Variants in CDON observed in about 807,000 individuals in gnomAD.
The protein encoded by CDON is cell adhesion associated, oncogene regulated.
CDON carries 73 observed loss-of-function variants against 120.9 expected under a neutral mutation model. That is an observed-to-expected ratio of 0.60 (90% CI 0.50 to 0.73). CDON has a LOEUF of 0.73. Among genes scored for constraint, CDON ranks in the 30% least tolerant of loss-of-function variants. The probability of loss-of-function intolerance (pLI) is 0.00; values close to 1 mark genes in which losing one functional copy is unlikely to be tolerated. For missense variants in CDON, 1,470 were observed against 1,587.3 expected (o/e 0.93, Z 1.26); for synonymous variants, 566 against 573.5 (o/e 0.99, Z 0.19).
chr11:125,974,178 G>A (rs889799449), intron 18 of CDON, among the ~76,000 whole-genome samples: 2 of 152,050 alleles, frequency 1.3e-5, no homozygotes, highest in Non-Finnish European at 2.9e-5. Context: ...TTACAGGCGT[G>A]AGCCACTGCA....
chr11:126,018,483 G>C lies in CDON; in HGVS notation c.497-10C>G. ...AGGATTAAGTAATTCTCTGAGGAAG[G>C]AAGGGAGTGCAGTTAGGCCTCTCCC... On this transcript the variant is annotated splice_polypyrimidine_tract_variant and intron_variant, in intron 4 of 19. Transcript: ENST00000531738. The C allele has an allele frequency of 1.2e-6, 2 of 1,613,164 alleles. No homozygotes were observed. The highest frequency in any genetic ancestry group is 1.7e-6 in the Non-Finnish European group (2 of 1,179,186).
At chr11:126,049,973 G>A (rs1402700182) in intron 1 of CDON, among the ~76,000 whole-genome samples, 2 of 152,140 alleles carry the variant, frequency 1.3e-5, no homozygotes, top group Admixed American at 6.5e-5. Flanking sequence ...TACCGTTAAA[G>A]AATTTCTAAG....
At chr11:125,982,546 C>G (rs1401218141) in intron 16 of CDON, among the ~76,000 whole-genome samples, 1 of 152,058 alleles carries the variant, frequency 6.6e-6, no homozygotes, top group Non-Finnish European at 1.5e-5. Context: ...TGTGGTCTCA[C>G]TAAGCTACAC....
At chr11:125,972,905 G>GC in intron 18 of CDON, among the ~76,000 whole-genome samples, 1 of 32,060 alleles carries the variant, frequency 3.1e-5, no homozygotes, top group Non-Finnish European at 6.9e-5. Flanking sequence ...GTATACTGTG[G>GC]GGCAGCTCCT....
At position 125,995,052 on chromosome 11, in the gene CDON, C is replaced by A; in HGVS notation, c.2363G>T (p.Gly788Val). ...LSVEVRSLEPGSTYKFRVIAI... is the reference protein window; with the variant it reads ...LSVEVRSLEPVSTYKFRVIAI... ...AATGACCCTAAATTTGTATGTTGAA[C>A]CTTTGAGGGAAAACAAAAACAAACA... Residue 788 changes from glycine to valine, a missense_variant and splice_region_variant, in exon 13 of 20, where the codon GGT becomes GTT. Transcript: ENST00000531738. 6.2e-7 allele frequency: 1 copy of A among 1,612,844 alleles called. No individual in the cohort carries two copies. The highest frequency in any genetic ancestry group is 8.5e-7 in the Non-Finnish European group (1 of 1,179,448).
intron 15 of CDON, among the ~76,000 whole-genome samples, chr11:125,988,210 T>G (rs898870046): frequency 6.6e-6 from 1 of 152,006 alleles, no homozygotes; most frequent in South Asian, 2.1e-4. Flanking sequence ...TGGGAAGATC[T>G]AGTAGAGGAC....
intron 9 of CDON, among the ~76,000 whole-genome samples, chr11:126,004,808 G>A (rs1947064575): frequency 1.3e-5 from 2 of 151,944 alleles, no homozygotes; most frequent in South Asian, 4.2e-4. Flanking sequence ...AAATTTCTTG[G>A]ACAAAGAAAA....
chr11:126,058,330 A>C (rs1948722307), intron 1 of CDON, among the ~76,000 whole-genome samples: 1 of 152,194 alleles, frequency 6.6e-6, no homozygotes, highest in African/African-American at 2.4e-5. Context: ...GGCCATCAAA[A>C]TATACCGCAC....
chr11:126,015,111 G>T (rs768949649), intron 7 of CDON, 130 bp downstream of exon 7: 2 of 884,868 alleles, frequency 2.3e-6, no homozygotes, highest in Non-Finnish European at 3.7e-6. Context: ...CAGGACCATG[G>T]AAAATGAACA....
chr11:126,002,601 C>CA (rs1460324723), intron 10 of CDON, among the ~76,000 whole-genome samples: 12 of 152,208 alleles, frequency 7.9e-5, no homozygotes, highest in African/African-American at 2.9e-4. Context: ...AGCCTTCCCT[C>CA]ACAAGCCGCC....
chr11:125,967,345 G>A (rs1299004251), intron 18 of CDON, among the ~76,000 whole-genome samples: 1 of 152,262 alleles, frequency 6.6e-6, no homozygotes, highest in East Asian at 1.9e-4. Flanking sequence ...TTTTAAAAAT[G>A]ATAAACATTA....
Position 125,971,403 on chromosome 11 carries a change from T to C in CDON, c.3356+6901A>G. 1.4e-5 allele frequency among the ~76,000 whole-genome samples: 2 copies of C among 142,682 alleles called. 1 individual carries two copies. The highest frequency in any genetic ancestry group is 1.4e-4 in the Admixed American group (2 of 14,386). The allele number at this position is 142,682 out of a possible 152,430, so 93.6% of individuals were successfully genotyped here. ...GTCTCTAAATAAATAAATAAATAAA[T>C]AAATAAATAATAATAATTAATGTTC... On this transcript the variant is annotated intron_variant, in intron 18 of 19. Coordinates refer to ENST00000531738, the MANE Select transcript of CDON (RefSeq NM_001378964.1).
rs368584161 is a variant in CDON at position 125,981,126 on chromosome 11, C to A, written c.3199G>T (p.Gly1067Ter). 1 of 1,614,022 alleles carries A rather than the reference C, an allele frequency of 6.2e-7. No individual in the cohort carries two copies. Among genetic ancestry groups the A allele is most frequent in the Non-Finnish European group, 8.5e-7 (1 of 1,180,016 alleles). The change falls in exon 17 of 20, where the codon GGA (glycine) becomes TGA (stop). Residue 1067 changes from glycine (G) to a stop codon, truncating the protein, a stop_gained. Coordinates refer to ENST00000531738, the MANE Select transcript of CDON (RefSeq NM_001378964.1). LOFTEE classifies it high-confidence loss of function. ...VNGIVNGSLN[G>*]GLYSGHSNSL... Reference sequence around the variant, plus strand: ...TTGCTGTGCCCGGAGTAAAGCCCTCCATTTAGGCTCCCATTCACAATTCCA... The same window carrying A: ...TTGCTGTGCCCGGAGTAAAGCCCTCAATTTAGGCTCCCATTCACAATTCCA...
chr11:126,029,044 C>A (rs1947878683), intron 1 of CDON, among the ~76,000 whole-genome samples: 1 of 152,100 alleles, frequency 6.6e-6, no homozygotes, highest in Non-Finnish European at 1.5e-5. Flanking sequence ...AACCCCATCC[C>A]TCACAACCAA....
intron 1 of CDON, among the ~76,000 whole-genome samples, chr11:126,027,971 T>C (rs1290029168): frequency 1.1e-5 from 1 of 94,814 alleles, no homozygotes; most frequent in Non-Finnish European, 2.6e-5. Context: ...CACTCTGCCT[T>C]TTTTTTTTTT....
rs750509188 is a variant in CDON at position 125,960,945 on chromosome 11, G to T, written c.3792C>A (p.Thr1264=). The T allele has an allele frequency of 6.2e-7, 1 of 1,614,088 alleles. No homozygotes were observed. The highest frequency in any genetic ancestry group is 1.3e-5 in the African/African-American group (1 of 75,062). The stretch of plus-strand genomic sequence containing the variant: ...ATGACTGGTTGTTTGCATGTCCTCA[G>T]GTTTCCCGGGGCTGCTGAAGGACCT... The part of the protein sequence containing the change: ...PTEVLQQPRE[T] The change falls in exon 20 of 20, where the codon ACC becomes ACA. Residue 1264 remains threonine, a synonymous_variant. Coordinates refer to ENST00000531738, the MANE Select transcript of CDON (RefSeq NM_001378964.1).
In CDON at chr11:125,974,366, T is replaced by TAGGA. The variant is rs1185064556; in HGVS notation, c.3356+3934_3356+3937dup. On this transcript the variant is annotated intron_variant, in intron 18 of 19. Transcript: ENST00000531738. Reference sequence around the variant, plus strand: ...GTAGGTAGGTAGGTAGGTAGGTAGGTAGGAAGGAAGGAAGGAAGGAAGGAA... The same window carrying TAGGA: ...GTAGGTAGGTAGGTAGGTAGGTAGGTAGGAAGGAAGGAAGGAAGGAAGGAAGGAA... 5.2e-3 allele frequency among the ~76,000 whole-genome samples: 266 copies of TAGGA among 51,576 alleles called. 6 individuals carry two copies. Among genetic ancestry groups the TAGGA allele is most frequent in the Non-Finnish European group, 8.0e-3 (224 of 28,128 alleles). The allele number at this position is 51,576 out of a possible 152,430, so 33.8% of individuals were successfully genotyped here. A position where few individuals can be genotyped will look rare whatever the true frequency, so the allele number is the denominator to read the frequency against.
rs1234303901 is a variant in CDON at position 126,018,424 on chromosome 11, G to T, written c.546C>A (p.Ser182=). 6.2e-7 allele frequency: 1 copy of T among 1,613,428 alleles called. No individual in the cohort carries two copies. Among genetic ancestry groups the T allele is most frequent in the Middle Eastern group, 1.6e-4 (1 of 6,062 alleles). Residue 182 remains serine (S), a synonymous_variant, in exon 5 of 20, where the codon TCC becomes TCA. Coordinates refer to ENST00000531738, the MANE Select transcript of CDON (RefSeq NM_001378964.1). Reference sequence around the variant, plus strand: ...ATTTGTATGATCCCTTGTCCTCTAAGGATACATTCAAAATCTGAAGATTTC... The same window carrying T: ...ATTTGTATGATCCCTTGTCCTCTAATGATACATTCAAAATCTGAAGATTTC... ...PSGNLQILNV[S]LEDKGSYKCA... is the part of the protein sequence containing the mutation.
chr11:126,055,070 C>T (rs925585843), intron 1 of CDON, among the ~76,000 whole-genome samples: 3 of 152,118 alleles, frequency 2.0e-5, no homozygotes, highest in Admixed American at 6.6e-5. Context: ...AAAGCAGTCA[C>T]GTGATCACAT....
Sources: gnomAD v4.1 joint callset for allele counts (sites outside exome capture counted in the v4.1 genomes callset) on GRCh38, gnomAD v4.1.1 for gene constraint, MANE v1.5 for transcripts, NCBI Gene and HGNC (gene_info 2026-07-23, HGNC 2026-07-21) for gene names.